Variants in TPD52L1 observed in about 807,000 individuals in gnomAD.
TPD52L1 encodes TPD52 like 1.
A neutral mutation model predicts 28.7 loss-of-function variants in TPD52L1; 18 were observed. The ratio of observed to expected loss-of-function variants is 0.63; its 90% CI spans 0.43 to 0.93. TPD52L1 has a LOEUF of 0.93. Ranked by LOEUF, TPD52L1 falls within the 40% of genes least tolerant of loss-of-function variation. TPD52L1 has a pLI of 0.00. For synonymous variants in TPD52L1, 75 were observed against 88.8 expected, an observed-to-expected ratio of 0.84 and a Z score of 0.88; for missense variants, 203 against 254.8, an observed-to-expected ratio of 0.80 and a Z score of 1.39.
intron 4 of TPD52L1, among the ~76,000 whole-genome samples, chr6:125,250,880 A>G (rs3806997): frequency 0.2 from 30,941 of 152,128 alleles, 3,975 homozygotes; most frequent in African/African-American, 0.36. Flanking sequence ...GGAAAATACA[A>G]TCTGTGTTGC....
At chr6:125,175,505 C>T (rs556234448) in intron 1 of TPD52L1, among the ~76,000 whole-genome samples, 1 of 152,106 alleles carries the variant, frequency 6.6e-6, no homozygotes, top group Admixed American at 6.6e-5. Flanking sequence ...AGTGTGTCAA[C>T]ATAAAGATAG....
chr6:125,249,479 G>C (rs1797127839), intron 4 of TPD52L1, among the ~76,000 whole-genome samples: 1 of 151,808 alleles, frequency 6.6e-6, no homozygotes, highest in African/African-American at 2.4e-5. Context: ...AGGAGTTAGA[G>C]ACCAGCCTGA....
At chr6:125,192,737 C>G (rs149379332) in intron 1 of TPD52L1, among the ~76,000 whole-genome samples, 31 of 152,300 alleles carry the variant, frequency 2.0e-4, no homozygotes, top group Non-Finnish European at 4.1e-4. Flanking sequence ...TGCATACGGT[C>G]GGCTTTGGTG....
At chr6:125,227,219 G>T (rs1286155349) in intron 2 of TPD52L1, among the ~76,000 whole-genome samples, 1 of 152,176 alleles carries the variant, frequency 6.6e-6, no homozygotes, top group African/African-American at 2.4e-5. Context: ...TCTTACTGTG[G>T]TATTTAAGAT....
chr6:125,242,545 T>C (rs1486992085), intron 3 of TPD52L1, among the ~76,000 whole-genome samples: 1 of 152,134 alleles, frequency 6.6e-6, no homozygotes, highest in African/African-American at 2.4e-5. Context: ...TTACATAATG[T>C]CCCTCTTGGT....
intron 3 of TPD52L1, among the ~76,000 whole-genome samples, chr6:125,242,245 G>C (rs181620273): frequency 6.6e-6 from 1 of 152,150 alleles, no homozygotes; most frequent in East Asian, 1.9e-4. Context: ...TTCATGTGCT[G>C]ATGAAAAGAG....
At chr6:125,220,333 C>T (rs1795153963) in intron 2 of TPD52L1, 140 bp downstream of exon 2, 4 of 602,368 alleles carry the variant, frequency 6.6e-6, no homozygotes, top group Non-Finnish European at 1.1e-5. Context: ...GAATACATTA[C>T]AAGATGATTC....
intron 3 of TPD52L1, among the ~76,000 whole-genome samples, chr6:125,245,487 T>C (rs1796871400): frequency 6.6e-6 from 1 of 152,174 alleles, no homozygotes; most frequent in Non-Finnish European, 1.5e-5. Context: ...TTATGTCTTC[T>C]GTGTTCTGCT....
intron 1 of TPD52L1, among the ~76,000 whole-genome samples, chr6:125,202,234 GA>G (rs199776161): frequency 6.6e-6 from 1 of 150,512 alleles, no homozygotes; most frequent in African/African-American, 2.4e-5. Context: ...AACATGCCTT[GA>G]AAAAAAAAGC....
At chr6:125,221,269 G>C (rs1012204419) in intron 2 of TPD52L1, among the ~76,000 whole-genome samples, 1 of 152,140 alleles carries the variant, frequency 6.6e-6, no homozygotes, top group African/African-American at 2.4e-5. Context: ...TCTTTAGCTG[G>C]GTCTGTCTGT....
chr6:125,171,568 A>C (rs187286140), intron 1 of TPD52L1, among the ~76,000 whole-genome samples: 2 of 152,286 alleles, frequency 1.3e-5, no homozygotes, highest in Admixed American at 1.3e-4. Context: ...CATGGCCAGG[A>C]ACTGTGGGCA....
At chr6:125,194,485 C>G (rs4896804) in intron 1 of TPD52L1, among the ~76,000 whole-genome samples, 35,151 of 152,078 alleles carry the variant, frequency 0.23, 5,056 homozygotes, top group Admixed American at 0.38. Context: ...ATTCAACGTC[C>G]TCTATGATCT....
intron 1 of TPD52L1, among the ~76,000 whole-genome samples, chr6:125,218,963 G>T (rs949698305): frequency 2.6e-5 from 4 of 152,182 alleles, no homozygotes; most frequent in African/African-American, 9.7e-5. Flanking sequence ...CCATCTCACA[G>T]ATAGAATTCC....
chr6:125,225,185 GT>G (rs1358989374), intron 2 of TPD52L1, among the ~76,000 whole-genome samples: 18 of 152,210 alleles, frequency 1.2e-4, no homozygotes, highest in African/African-American at 3.9e-4. Context: ...GTACTTCATT[GT>G]TTTTATGGCT....
intron 1 of TPD52L1, among the ~76,000 whole-genome samples, chr6:125,198,578 A>G (rs1452052628): frequency 6.6e-6 from 1 of 152,220 alleles, no homozygotes; most frequent in Non-Finnish European, 1.5e-5. Context: ...ACCCAGCTCA[A>G]CCACTTTCTG....
intron 1 of TPD52L1, among the ~76,000 whole-genome samples, chr6:125,193,988 T>C (rs1475256674): frequency 1.3e-5 from 2 of 150,168 alleles, no homozygotes; most frequent in African/African-American, 2.5e-5. Context: ...ATGATTCAGA[T>C]AAATAGAGAA....
At chr6:125,209,060 C>A in intron 1 of TPD52L1, 1 of 641,232 alleles carries the variant, frequency 1.6e-6, no homozygotes, top group Non-Finnish European at 1.9e-6. Context: ...CATACACAGC[C>A]TTGATCTCTG....
intron 1 of TPD52L1, among the ~76,000 whole-genome samples, chr6:125,187,187 T>C (rs934886054): frequency 2.6e-5 from 4 of 152,194 alleles, no homozygotes; most frequent in African/African-American, 4.8e-5. Context: ...GCCAGCCGTG[T>C]ATGAAAAGTC....
chr6:125,211,506 T>A (rs1441625699), intron 1 of TPD52L1, among the ~76,000 whole-genome samples: 1 of 152,192 alleles, frequency 6.6e-6, no homozygotes. Flanking sequence ...AATGTTGCAG[T>A]GGTGATTTCC....
Sources: gnomAD v4.1 joint callset for allele counts (sites outside exome capture counted in the v4.1 genomes callset) on GRCh38, gnomAD v4.1.1 for gene constraint, MANE v1.5 for transcripts, NCBI Gene and HGNC (gene_info 2026-07-23, HGNC 2026-07-21) for gene names.